KIR2DL3: variants seen among roughly 807,000 people sequenced by gnomAD.
The protein encoded by KIR2DL3 is killer cell immunoglobulin like receptor, two Ig domains and long cytoplasmic tail 3.
In KIR2DL3, 39 loss-of-function variants were observed where a neutral mutation model predicts 33.8. The observed-to-expected ratio is 1.15, with a 90% CI of 0.89 to 1.51. The LOEUF is 1.51. Ranked by LOEUF, KIR2DL3 falls within the 40% of genes most tolerant of loss-of-function variation. The pLI, the probability that KIR2DL3 is intolerant of heterozygous loss-of-function variation, is 0.00. For missense variants in KIR2DL3, 462 were observed against 426.2 expected, an observed-to-expected ratio of 1.08 and a Z score of -0.74; for synonymous variants, 174 against 160.2, an observed-to-expected ratio of 1.09 and a Z score of -0.65.
chr19:54,742,348 A>G (rs2071334401), intron 3 of KIR2DL3, 69 bp downstream of exon 3: 1 of 1,564,314 alleles, frequency 6.4e-7, no homozygotes, highest in Non-Finnish European at 8.8e-7. Context: ...TGGAACCCCC[A>G]GGTAGTTGTA....
In KIR2DL3 at chr19:54,741,867, C is replaced by G. The variant is rs1479432295; in HGVS notation, c.71-113C>G. 6.2e-6 allele frequency: 8 copies of G among 1,291,622 alleles called. No homozygotes were observed. In the East Asian group the frequency reaches 9.2e-5, roughly 15 times the overall value. 80.0% of individuals were successfully genotyped at this position (1,291,622 alleles called of 1,614,324 possible). On this transcript the variant is annotated intron_variant, in intron 2 of 7. Transcript: ENST00000342376. ...GGGCACAGAAAAGAACATGAAGACA[C>G]AGAGAGGAAGGAGAGAGACAGACAC...
intron 4 of KIR2DL3, among the ~76,000 whole-genome samples, 153 bp downstream of exon 4, chr19:54,744,241 G>A (rs1242684628): frequency 6.6e-6 from 1 of 152,210 alleles, no homozygotes; most frequent in African/African-American, 2.4e-5. Context: ...GGCAGACAGG[G>A]CACCTCCAAA....
rs1248884847 is a variant in KIR2DL3 at position 54,752,120 on chromosome 19, G to C, written c.821-96G>C. 196 of 1,307,070 alleles carry C rather than the reference G, an allele frequency of 1.5e-4. 8 individuals are homozygous for C. In the East Asian group the frequency reaches 3.5e-3, roughly 23 times the overall value. 81.0% of individuals were successfully genotyped at this position (1,307,070 alleles called of 1,614,324 possible). ...GCTGTTGGCAACTGAGGGACCTCAG[G>C]CTCCTATGGTCTCCCCCTGTATGTT... On this transcript the variant is annotated intron_variant, in intron 6 of 7. Transcript: ENST00000342376.
intron 4 of KIR2DL3, among the ~76,000 whole-genome samples, chr19:54,745,543 T>C (rs2072336621): frequency 1.3e-5 from 2 of 150,804 alleles, no homozygotes; most frequent in Admixed American, 6.6e-5. Flanking sequence ...TTGTTTTTTT[T>C]AGTATAGATG....
Position 54,744,053 on chromosome 19 carries a change from C to G in KIR2DL3, c.629C>G (p.Ser210Ter). ...TTCCGTGACTCTCCATACGAGTGGT[C>G]AAACTCGAGTGACCCACTGCTTGTT... ...GSFRDSPYEW[S>*]NSSDPLLVSV... Residue 210 changes from serine to a stop codon, truncating the protein, a stop_gained, in exon 4 of 8, where the codon TCA becomes TGA. Coordinates refer to ENST00000342376, the MANE Select transcript of KIR2DL3 (RefSeq NM_015868.3). LOFTEE classifies it high-confidence loss of function. The G allele has an allele frequency of 6.2e-7, 1 of 1,614,242 alleles. No individual in the cohort carries two copies. The highest frequency in any genetic ancestry group is 8.5e-7 in the Non-Finnish European group (1 of 1,180,044).
intron 4 of KIR2DL3, among the ~76,000 whole-genome samples, chr19:54,744,548 G>T (rs1328670014): frequency 6.7e-6 from 1 of 149,476 alleles, no homozygotes; most frequent in East Asian, 2.0e-4. Context: ...TTTTTTTGAG[G>T]CAGAGTCTAG....
intron 1 of KIR2DL3, among the ~76,000 whole-genome samples, chr19:54,738,862 GGGGCCTGGAGTGGAGATAT>G (rs768258980): frequency 0.19 from 11,881 of 63,156 alleles, 1,270 homozygotes; most frequent in East Asian, 0.4. Context: ...AGTAGAGATA[GGGGCCTGGAGTGGAGATAT>G]GGGCCTGGAG....
chr19:54,750,558 T>C (rs76961184), intron 5 of KIR2DL3, among the ~76,000 whole-genome samples: 7,718 of 106,614 alleles, frequency 0.072, 729 homozygotes, highest in South Asian at 0.12. Context: ...AGTTGTTTGA[T>C]TCAAGAATGC....
chr19:54,748,707 C>T (rs1469841751), intron 5 of KIR2DL3, among the ~76,000 whole-genome samples: 8 of 143,594 alleles, frequency 5.6e-5, no homozygotes, highest in Non-Finnish European at 1.2e-4. Context: ...CTGCAACCTG[C>T]GTCTCCTGGA....
intron 5 of KIR2DL3, among the ~76,000 whole-genome samples, chr19:54,750,387 C>G (rs192571389): frequency 7.0e-6 from 1 of 142,120 alleles, no homozygotes; most frequent in African/African-American, 2.6e-5. Context: ...CCCCCAGCCT[C>G]TCGGGTAGAA....
intron 4 of KIR2DL3, among the ~76,000 whole-genome samples, chr19:54,745,564 A>C (rs200050414): frequency 6.6e-6 from 1 of 150,818 alleles, no homozygotes; most frequent in Non-Finnish European, 1.5e-5. Flanking sequence ...GGGTTTCCCC[A>C]TGTTGGCTGG....
rs1256278443 is a variant in KIR2DL3 at position 54,752,429 on chromosome 19, A to C, written c.936A>C (p.Thr312=). 3 of 1,467,428 alleles carry C rather than the reference A, an allele frequency of 2.0e-6. 1 individual carries two copies. Among genetic ancestry groups the C allele is most frequent in the African/African-American group, 1.5e-5 (1 of 65,298 alleles). The allele number at this position is 1,467,428 out of a possible 1,614,324, so 90.9% of individuals were successfully genotyped here. Residue 312 remains threonine, a synonymous_variant, in exon 8 of 8, where the codon ACA becomes ACC. Coordinates refer to ENST00000342376, the MANE Select transcript of KIR2DL3 (RefSeq NM_015868.3). ...TYAQLNHCVF[T]QRKITRPSQR... ...CACAGTTGAATCACTGCGTTTTCAC[A>C]CAGAGAAAAATCACTCGCCCTTCTC...
At chr19:54,742,480 G>A (rs1337033378) in intron 3 of KIR2DL3, among the ~76,000 whole-genome samples, 1 of 151,710 alleles carries the variant, frequency 6.6e-6, no homozygotes, top group Admixed American at 6.6e-5. Context: ...CAGACACAGG[G>A]GCCATACAGG....
intron 3 of KIR2DL3, 24 bp downstream of exon 3, chr19:54,742,303 T>C (rs753864613): frequency 1.2e-6 from 2 of 1,612,964 alleles, no homozygotes; most frequent in Non-Finnish European, 1.7e-6. Context: ...GACATTCTCA[T>C]TGTCATTGGG....
intron 4 of KIR2DL3, among the ~76,000 whole-genome samples, chr19:54,747,058 C>T (rs137916714): frequency 0.13 from 13,235 of 99,548 alleles, 1,646 homozygotes; most frequent in Middle Eastern, 0.21. Flanking sequence ...CATTGTTCTA[C>T]GTGCCTTTCT....
At chr19:54,750,110 C>G (rs576085532) in intron 5 of KIR2DL3, among the ~76,000 whole-genome samples, 1 of 133,000 alleles carries the variant, frequency 7.5e-6, no homozygotes, top group East Asian at 2.0e-4. Context: ...CAGAATCCTC[C>G]AGCACAGATC....
intron 5 of KIR2DL3, among the ~76,000 whole-genome samples, chr19:54,750,838 C>T (rs932595860): frequency 7.5e-6 from 1 of 134,030 alleles, no homozygotes; most frequent in Non-Finnish European, 1.6e-5. Context: ...CATATGGAGT[C>T]ACCCCATTTG....
At chr19:54,742,307 CATT>C in intron 3 of KIR2DL3, 28 bp downstream of exon 3, 3 of 1,612,016 alleles carry the variant, frequency 1.9e-6, no homozygotes, top group South Asian at 1.1e-5. Context: ...TTCTCATTGT[CATT>C]GGGATGCAGA....
chr19:54,740,414 A>G (rs1395212946), intron 2 of KIR2DL3, among the ~76,000 whole-genome samples: 2 of 151,188 alleles, frequency 1.3e-5, no homozygotes, highest in Non-Finnish European at 2.9e-5. Context: ...GAGCTCTACA[A>G]CAGAATATTC....
Sources: gnomAD v4.1 joint callset for allele counts (sites outside exome capture counted in the v4.1 genomes callset) on GRCh38, gnomAD v4.1.1 for gene constraint, MANE v1.5 for transcripts, NCBI Gene and HGNC (gene_info 2026-07-23, HGNC 2026-07-21) for gene names.